The following ZNF626 variants were observed in gnomAD, a reference collection of about 807,000 sequenced individuals.
ZNF626 encodes CTC-513N18.7.
A neutral mutation model predicts 11.7 loss-of-function variants in ZNF626; 4 were observed. The observed-to-expected ratio is 0.34, with a 90% CI of 0.17 to 0.78. ZNF626 has a LOEUF of 0.78. Among genes scored for constraint, ZNF626 ranks in the 30% least tolerant of loss-of-function variants. The pLI, the probability that ZNF626 is intolerant of heterozygous loss-of-function variation, is 0.57. For synonymous variants in ZNF626, 179 were observed against 198.6 expected (o/e 0.90, Z 0.83); for missense variants, 588 against 587.1 (o/e 1.00, Z -0.01).
intron 1 of ZNF626, among the ~76,000 whole-genome samples, chr19:20,648,378 T>C (rs1440055470): frequency 7.9e-6 from 1 of 126,046 alleles, no homozygotes; most frequent in Admixed American, 7.8e-5. Flanking sequence ...CTTCTTCTTC[T>C]TCTTTTTTTT....
intron 1 of ZNF626, 146 bp downstream of exon 1, chr19:20,661,298 C>A: frequency 3.6e-6 from 4 of 1,119,008 alleles, no homozygotes; most frequent in South Asian, 1.3e-5. Flanking sequence ...TATGGCTGAA[C>A]AGGACTGAGG....
intron 3 of ZNF626, among the ~76,000 whole-genome samples, chr19:20,636,196 C>T (rs782314557): frequency 5.3e-5 from 8 of 152,076 alleles, no homozygotes; most frequent in African/African-American, 9.7e-5. Flanking sequence ...AACAAATATA[C>T]AAGTGACACA....
intron 3 of ZNF626, among the ~76,000 whole-genome samples, chr19:20,642,812 C>A (rs1970037605): frequency 6.6e-6 from 1 of 151,856 alleles, no homozygotes; most frequent in African/African-American, 2.4e-5. Flanking sequence ...GAGGTCAGGT[C>A]AACCAGTCTG....
intron 3 of ZNF626, among the ~76,000 whole-genome samples, chr19:20,639,960 T>A (rs1555771249): frequency 6.6e-6 from 1 of 151,996 alleles, no homozygotes; most frequent in Admixed American, 6.6e-5. Flanking sequence ...ACATAAACAA[T>A]GTGATACTGA....
chr19:20,629,573 GCTCT>G (rs1969879731), intron 3 of ZNF626, among the ~76,000 whole-genome samples: 5 of 151,986 alleles, frequency 3.3e-5, no homozygotes, highest in Admixed American at 2.6e-4. Flanking sequence ...TCATGATTTG[GCTCT>G]CTGTCTGTTA....
At chr19:20,645,440 G>A (rs782112218) in intron 3 of ZNF626, 3 of 1,611,656 alleles carry the variant, frequency 1.9e-6, no homozygotes, top group East Asian at 2.2e-5. Context: ...TGAACTTGAA[G>A]GAAGCTCACT....
chr19:20,627,951 C>T (rs1237660428), intron 3 of ZNF626, among the ~76,000 whole-genome samples: 2 of 152,098 alleles, frequency 1.3e-5, no homozygotes, highest in Admixed American at 6.6e-5. Flanking sequence ...CACAACAGTC[C>T]CCGGTGTGTG....
At chr19:20,643,278 C>T (rs1970042792) in intron 3 of ZNF626, among the ~76,000 whole-genome samples, 1 of 151,714 alleles carries the variant, frequency 6.6e-6, no homozygotes, top group Admixed American at 6.6e-5. Flanking sequence ...AAAGAATAGC[C>T]TTACATTGTT....
intron 1 of ZNF626, among the ~76,000 whole-genome samples, chr19:20,659,071 T>A (rs1970235669): frequency 6.6e-6 from 1 of 152,190 alleles, no homozygotes; most frequent in Non-Finnish European, 1.5e-5. Context: ...ATTAATAAAA[T>A]TCTCCACCTT....
intron 3 of ZNF626, among the ~76,000 whole-genome samples, chr19:20,644,037 C>T (rs1970049724): frequency 6.6e-6 from 1 of 152,192 alleles, no homozygotes; most frequent in African/African-American, 2.4e-5. Flanking sequence ...ACAAACTCCT[C>T]CCAAGCCAGA....
chr19:20,654,219 T>G (rs868966711), intron 1 of ZNF626, among the ~76,000 whole-genome samples: 5 of 152,048 alleles, frequency 3.3e-5, no homozygotes, highest in African/African-American at 1.2e-4. Context: ...GGCAGGTGAA[T>G]CACGAGGTCA....
intron 3 of ZNF626, among the ~76,000 whole-genome samples, chr19:20,633,782 C>T (rs75176886): frequency 2.6e-5 from 4 of 152,178 alleles, no homozygotes; most frequent in Admixed American, 6.5e-5. Context: ...GTGCACAGTG[C>T]GCTGCACCCA....
At chr19:20,656,866 A>C (rs1277569328) in intron 1 of ZNF626, among the ~76,000 whole-genome samples, 1 of 152,184 alleles carries the variant, frequency 6.6e-6, no homozygotes, top group Non-Finnish European at 1.5e-5. Flanking sequence ...TTAGTTCAAC[A>C]ACAGTAAAAA....
chr19:20,626,477 AG>A (rs1394153697), intron 3 of ZNF626, among the ~76,000 whole-genome samples: 1 of 152,176 alleles, frequency 6.6e-6, no homozygotes, highest in Non-Finnish European at 1.5e-5. Flanking sequence ...CCAACACACT[AG>A]GGGGCCAAGG....
intron 3 of ZNF626, among the ~76,000 whole-genome samples, chr19:20,631,211 A>G (rs8103161): frequency 0.45 from 67,337 of 150,452 alleles, 16,369 homozygotes; most frequent in African/African-American, 0.64. Flanking sequence ...GTCAATTTTG[A>G]AGTAGGTGTG....
intron 1 of ZNF626, among the ~76,000 whole-genome samples, chr19:20,648,209 CA>C (rs1555772153): frequency 6.7e-6 from 1 of 149,758 alleles, no homozygotes; most frequent in Non-Finnish European, 1.5e-5. Context: ...CAGTTGTATA[CA>C]AACTTTAAAA....
At chr19:20,642,489 C>A (rs7258892) in intron 3 of ZNF626, among the ~76,000 whole-genome samples, 1 of 151,598 alleles carries the variant, frequency 6.6e-6, no homozygotes, top group Non-Finnish European at 1.5e-5. Flanking sequence ...CCAGCTATTC[C>A]GGAGGCTGAG....
chr19:20,642,131 C>T (rs1970030470), intron 3 of ZNF626, among the ~76,000 whole-genome samples: 2 of 152,108 alleles, frequency 1.3e-5, no homozygotes, highest in Admixed American at 6.5e-5. Flanking sequence ...ATAACTAAAA[C>T]TGGGGTCATA....
chr19:20,636,722 C>A (rs1226165895), intron 3 of ZNF626, among the ~76,000 whole-genome samples: 1 of 152,112 alleles, frequency 6.6e-6, no homozygotes, highest in Non-Finnish European at 1.5e-5. Context: ...CACAGTCCTA[C>A]AAGATATAAT....
Sources: allele counts gnomAD v4.1 joint callset (sites outside exome capture counted in the v4.1 genomes callset), GRCh38; gene constraint gnomAD v4.1.1; transcripts MANE v1.5; gene names NCBI Gene and HGNC (gene_info 2026-07-23, HGNC 2026-07-21).